FIP1L1: variants seen among roughly 807,000 people sequenced by gnomAD.
The protein encoded by FIP1L1 is factor interacting with PAPOLA and CPSF1.
In FIP1L1, 21 loss-of-function variants were observed where a neutral mutation model predicts 84.6. The observed-to-expected ratio is 0.25, with a 90% CI of 0.18 to 0.36. The LOEUF is 0.36. Ranked by LOEUF, FIP1L1 falls within the 10% of genes least tolerant of loss-of-function variation. The pLI is 1.00. For synonymous variants in FIP1L1, 263 were observed against 242.3 expected, an observed-to-expected ratio of 1.09 and a Z score of -0.80; for missense variants, 526 against 751.1, an observed-to-expected ratio of 0.70 and a Z score of 3.50.
intron 15 of FIP1L1, 32 bp downstream of exon 15, chr4:53,444,135 G>A: frequency 7.5e-7 from 1 of 1,339,718 alleles, no homozygotes; most frequent in Non-Finnish European, 1.1e-6. Flanking sequence ...CCTAGATTCA[G>A]TTTGAATCAG....
intron 11 of FIP1L1, among the ~76,000 whole-genome samples, chr4:53,425,035 C>T (rs1156564266): frequency 1.3e-5 from 2 of 151,908 alleles, no homozygotes; most frequent in Non-Finnish European, 1.5e-5. Context: ...AATTGTTTTG[C>T]TTCTATAAAG....
At chr4:53,385,061 G>A (rs925562406) in intron 5 of FIP1L1, among the ~76,000 whole-genome samples, 10 of 152,096 alleles carry the variant, frequency 6.6e-5, no homozygotes, top group Non-Finnish European at 1.3e-4. Flanking sequence ...TTAGGGAACA[G>A]AGTAAAGAGG....
intron 10 of FIP1L1, among the ~76,000 whole-genome samples, chr4:53,405,959 G>T (rs1753178883): frequency 6.6e-6 from 1 of 151,942 alleles, no homozygotes; most frequent in Non-Finnish European, 1.5e-5. Context: ...TGCAAACAGG[G>T]ACAATTTGAC....
chr4:53,436,133 A>G (rs143570648), intron 13 of FIP1L1, among the ~76,000 whole-genome samples: 2 of 152,202 alleles, frequency 1.3e-5, no homozygotes, highest in Admixed American at 1.3e-4. Flanking sequence ...TAGAGAAAAG[A>G]TAGATGGTTA....
intron 11 of FIP1L1, among the ~76,000 whole-genome samples, chr4:53,423,787 A>T (rs914808633): frequency 2.6e-5 from 4 of 152,232 alleles, no homozygotes; most frequent in African/African-American, 4.8e-5. Context: ...TTTTAGAAAC[A>T]TAGTATTTGC....
At chr4:53,407,072 T>A (rs1578438539) in intron 10 of FIP1L1, among the ~76,000 whole-genome samples, 1 of 152,196 alleles carries the variant, frequency 6.6e-6, no homozygotes, top group African/African-American at 2.4e-5. Context: ...TGTTTGCTCT[T>A]GCTTCTCTAG....
intron 10 of FIP1L1, among the ~76,000 whole-genome samples, chr4:53,403,701 C>A (rs556725901): frequency 1.3e-5 from 2 of 152,286 alleles, no homozygotes; most frequent in South Asian, 4.1e-4. Flanking sequence ...ATTCATTCAA[C>A]TTTTGAAGCA....
intron 11 of FIP1L1, among the ~76,000 whole-genome samples, chr4:53,419,739 C>A (rs150440935): frequency 1.3e-5 from 2 of 152,210 alleles, no homozygotes; most frequent in East Asian, 3.9e-4. Context: ...GCCACTATGC[C>A]GGCCCCATAT....
Position 53,427,939 on chromosome 4 carries a change from G to C in FIP1L1, c.1018-88G>C. The stretch of plus-strand genomic sequence containing the variant: ...TGTGAATTAAACTACCTTTTACTTT[G>C]TTTCTTAGATTAAATGAAATTAATT... On this transcript the variant is annotated intron_variant, in intron 12 of 17. Coordinates refer to ENST00000337488, the MANE Select transcript of FIP1L1 (RefSeq NM_030917.4). 6.1e-6 allele frequency: 7 copies of C among 1,145,904 alleles called. No homozygotes were observed. The South Asian group carries it at 9.0e-5, about 15-fold the overall frequency. 71.0% of individuals were successfully genotyped at this position (1,145,904 alleles called of 1,614,324 possible). A position where few individuals can be genotyped will look rare whatever the true frequency, so the allele number is the denominator to read the frequency against.
chr4:53,425,426 T>C lies in FIP1L1; in HGVS notation c.924-446T>C, dbSNP rs148938959. Reference sequence around the variant, plus strand: ...CTTGGAATATATCACAAGGAAAATATCTTGTGTATGTTAAAATGAGCATTA... The same window carrying C: ...CTTGGAATATATCACAAGGAAAATACCTTGTGTATGTTAAAATGAGCATTA... On this transcript the variant is annotated intron_variant, in intron 11 of 17. Coordinates refer to ENST00000337488, the MANE Select transcript of FIP1L1 (RefSeq NM_030917.4). Among the ~76,000 whole-genome samples, 9 of 152,212 alleles carry C rather than the reference T, an allele frequency of 5.9e-5. No individual in the cohort carries two copies. The East Asian group carries it at 1.5e-3, about 26-fold the overall frequency.
rs746353401 is a variant in FIP1L1, at chr4:53,391,062, G to A, written c.559G>A (p.Ala187Thr). 33 of 1,611,260 alleles carry A rather than the reference G, an allele frequency of 2.0e-5. No homozygotes were observed. Among genetic ancestry groups the A allele is most frequent in the Non-Finnish European group, 2.5e-5 (30 of 1,178,660 alleles). ...TGGGTTTAATGAAGATACCTGGAAA[G>A]CTTACTGTGAAAAACAAAAGAGGAT... ...NYGFNEDTWK[A>T]YCEKQKRIRM... Residue 187 changes from alanine (A) to threonine (T), a missense_variant, in exon 8 of 18, where the codon GCT (alanine) becomes ACT (threonine). Physicochemically the swap from Ala to Thr is moderately conservative, Grantham distance 58. Coordinates refer to ENST00000337488, the MANE Select transcript of FIP1L1 (RefSeq NM_030917.4).
At chr4:53,393,489 AGTGTT>A (rs1455943754) in intron 9 of FIP1L1, among the ~76,000 whole-genome samples, 1 of 152,186 alleles carries the variant, frequency 6.6e-6, no homozygotes, top group African/African-American at 2.4e-5. Flanking sequence ...AACACTTAAC[AGTGTT>A]TTGACATTCT....
intron 10 of FIP1L1, among the ~76,000 whole-genome samples, chr4:53,405,828 A>G (rs1240255322): frequency 2.0e-5 from 3 of 151,152 alleles, no homozygotes; most frequent in Non-Finnish European, 4.4e-5. Context: ...TTGGTGTATA[A>G]GAATGCTTGT....
At chr4:53,430,494 A>G (rs1766155072) in intron 13 of FIP1L1, among the ~76,000 whole-genome samples, 4 of 151,620 alleles carry the variant, frequency 2.6e-5, no homozygotes, top group Admixed American at 2.6e-4. Context: ...GGCGTGTGCC[A>G]CCATACCCGG....
intron 12 of FIP1L1, 32 bp from the exon 13 acceptor site, chr4:53,427,995 C>T: frequency 6.8e-7 from 1 of 1,466,862 alleles, no homozygotes; most frequent in Non-Finnish European, 9.4e-7. Flanking sequence ...AATATTTATG[C>T]ATCTGTTTAA....
At position 53,399,762 on chromosome 4, in the gene FIP1L1, A is replaced by G. The variant is rs1156507944; in HGVS notation, c.738A>G (p.Lys246=). The part of the protein sequence containing the change: ...VQQGRTGNSE[K]ETALPSTKAE... ...AGGGAAGAACTGGAAACTCAGAGAA[A>G]GAAACTGCCCTTCCATCTACAAAAG... is the stretch of plus-strand genomic sequence containing the variant. Residue 246 remains lysine (K), a synonymous_variant, in exon 10 of 18, where the codon AAA becomes AAG. Transcript: ENST00000337488. 4 of 1,613,632 alleles carry G rather than the reference A, an allele frequency of 2.5e-6. No individual in the cohort carries two copies. Among genetic ancestry groups the G allele is most frequent in the African/African-American group, 1.3e-5 (1 of 74,890 alleles).
intron 9 of FIP1L1, among the ~76,000 whole-genome samples, chr4:53,393,391 CTT>C (rs1745337541): frequency 6.6e-6 from 1 of 152,174 alleles, no homozygotes; most frequent in Non-Finnish European, 1.5e-5. Context: ...TTTAAGATAA[CTT>C]TATTTACTTT....
chr4:53,425,619 CT>C (rs2149972799), intron 11 of FIP1L1, among the ~76,000 whole-genome samples: 1 of 152,118 alleles, frequency 6.6e-6, no homozygotes, highest in African/African-American at 2.4e-5. Flanking sequence ...TGTAGAAGAG[CT>C]CTACAGAGAC....
chr4:53,383,128 AT>A (rs1316293390), intron 4 of FIP1L1, among the ~76,000 whole-genome samples: 1 of 151,500 alleles, frequency 6.6e-6, no homozygotes, highest in Non-Finnish European at 1.5e-5. Flanking sequence ...TCAAATACTT[AT>A]TTTTTATAAT....
Sources: gnomAD v4.1 joint callset for allele counts (sites outside exome capture counted in the v4.1 genomes callset) on GRCh38, gnomAD v4.1.1 for gene constraint, MANE v1.5 for transcripts, NCBI Gene and HGNC (gene_info 2026-07-23, HGNC 2026-07-21) for gene names.